The following STK33 variants were observed in gnomAD, a reference collection of about 807,000 sequenced individuals.
STK33 encodes the protein serine/threonine kinase 33.
Under a neutral mutation model 58.0 loss-of-function variants are expected in STK33, and 52 were observed. That is an observed-to-expected ratio of 0.90 (90% CI 0.72 to 1.13). STK33 has a LOEUF of 1.13. Among genes scored for constraint, STK33 ranks in the 50% most tolerant of loss-of-function variants. The pLI, the probability that STK33 is intolerant of heterozygous loss-of-function variation, is 0.00. For missense variants in STK33, 630 were observed against 604.2 expected (o/e 1.04, Z -0.45); for synonymous variants, 215 against 200.1 (o/e 1.07, Z -0.63).
chr11:8,577,753 G>C (rs1046068235), intron 1 of STK33, among the ~76,000 whole-genome samples: 1 of 151,966 alleles, frequency 6.6e-6, no homozygotes, highest in Non-Finnish European at 1.5e-5. Flanking sequence ...CTATCTTACT[G>C]CTCTGCAGTT....
the STK33 span, among the ~76,000 whole-genome samples, chr11:8,386,302 G>A: frequency 6.6e-6 from 1 of 152,198 alleles, no homozygotes; most frequent in African/African-American, 2.4e-5. Flanking sequence ...AAGTTGGTGA[G>A]CAGAAAGTTG....
chr11:8,411,771 T>C (rs1281174234), intron 15 of STK33, among the ~76,000 whole-genome samples: 1 of 152,068 alleles, frequency 6.6e-6, no homozygotes, highest in African/African-American at 2.4e-5. Context: ...TATGGAAAAA[T>C]TTTTCCTGTC....
At chr11:8,366,390 A>G in the STK33 span, among the ~76,000 whole-genome samples, 2 of 152,244 alleles carry the variant, frequency 1.3e-5, no homozygotes, top group Non-Finnish European at 2.9e-5. Flanking sequence ...GACTGTGAAC[A>G]GGGCCAGCCC....
intron 6 of STK33, among the ~76,000 whole-genome samples, chr11:8,467,869 C>T (rs1948373551): frequency 6.6e-6 from 1 of 152,106 alleles, no homozygotes; most frequent in East Asian, 1.9e-4. Flanking sequence ...TGCTTGAACC[C>T]AGGAGGTGAA....
At chr11:8,448,619 T>C (rs998697211) in intron 11 of STK33, among the ~76,000 whole-genome samples, 25 of 152,260 alleles carry the variant, frequency 1.6e-4, no homozygotes, top group African/African-American at 5.5e-4. Context: ...TTACACCTTA[T>C]ATAAAAATTA....
At chr11:8,575,487 G>T (rs1192980904) in intron 1 of STK33, among the ~76,000 whole-genome samples, 2 of 152,174 alleles carry the variant, frequency 1.3e-5, no homozygotes, top group Non-Finnish European at 2.9e-5. Context: ...AATGAAATAA[G>T]TCAGACACAA....
intron 1 of STK33, among the ~76,000 whole-genome samples, chr11:8,563,749 C>CT (rs945667844): frequency 2.0e-5 from 3 of 152,130 alleles, no homozygotes; most frequent in African/African-American, 7.2e-5. Flanking sequence ...AATAATGTCA[C>CT]TAACTTAATA....
chr11:8,497,729 T>C (rs983588574), intron 1 of STK33, among the ~76,000 whole-genome samples: 1 of 152,218 alleles, frequency 6.6e-6, no homozygotes, highest in Non-Finnish European at 1.5e-5. Flanking sequence ...CCCAAAGTAC[T>C]GGGATTACAG....
chr11:8,435,675 A>C lies in STK33; in HGVS notation c.1061-96T>G, dbSNP rs912276604. On this transcript the variant is annotated intron_variant, in intron 13 of 15. Coordinates refer to ENST00000687296, the MANE Select transcript of STK33 (RefSeq NM_001352389.2). Reference sequence around the variant, plus strand: ...TAGGATTAGGTCAGTATAACAGGAAAGAAAGATGCCAAGTGTACAATAAAA... The same window carrying C: ...TAGGATTAGGTCAGTATAACAGGAACGAAAGATGCCAAGTGTACAATAAAA... 5.0e-6 allele frequency: 3 copies of C among 597,180 alleles called. No homozygotes were observed. In the Admixed American group the frequency reaches 1.1e-4, roughly 22 times the overall value. The allele number at this position is 597,180 out of a possible 1,614,324, so 37.0% of individuals were successfully genotyped here.
intron 14 of STK33, among the ~76,000 whole-genome samples, chr11:8,431,836 C>T (rs1233427606): frequency 6.6e-6 from 1 of 152,006 alleles, no homozygotes; most frequent in Non-Finnish European, 1.5e-5. Context: ...ATTTTCTTTC[C>T]TTTTCTGGTC....
intron 14 of STK33, among the ~76,000 whole-genome samples, chr11:8,414,518 G>C (rs927452618): frequency 1.3e-4 from 20 of 152,018 alleles, no homozygotes; most frequent in Admixed American, 1.2e-3. Context: ...AATTACCCTG[G>C]TATATGGATG....
chr11:8,449,961 C>T (rs571038825), intron 11 of STK33, among the ~76,000 whole-genome samples: 1 of 151,998 alleles, frequency 6.6e-6, no homozygotes, highest in Non-Finnish European at 1.5e-5. Flanking sequence ...GGTGGGAGTG[C>T]AAATTAGTTC....
At chr11:8,346,796 C>T in the STK33 span, among the ~76,000 whole-genome samples, 627 of 152,232 alleles carry the variant, frequency 4.1e-3, 3 homozygotes, top group Non-Finnish European at 7.1e-3. Flanking sequence ...CCTTCTTCCA[C>T]GTGGGCAGCA....
rs1007190701 is a variant in STK33 at position 8,557,901 on chromosome 11, A to G, written c.-466+36182T>C. 2.6e-5 allele frequency among the ~76,000 whole-genome samples: 4 copies of G among 152,336 alleles called. No individual in the cohort carries two copies. The South Asian group carries it at 6.2e-4, about 24-fold the overall frequency. ...AGGCTTTCTTCATATAATAATAAAC[A>G]TGGACGATTAGCAATGTAATGAACC... On this transcript the variant is annotated intron_variant, in intron 1 of 15. Coordinates refer to ENST00000687296, the MANE Select transcript of STK33 (RefSeq NM_001352389.2).
chr11:8,398,477 G>A (rs568013992), intron 15 of STK33, among the ~76,000 whole-genome samples: 17 of 152,260 alleles, frequency 1.1e-4, no homozygotes, highest in Non-Finnish European at 2.4e-4. Flanking sequence ...AACATGGAAA[G>A]GAACAAAAGG....
intron 14 of STK33, among the ~76,000 whole-genome samples, chr11:8,424,551 G>A (rs1194578923): frequency 6.6e-6 from 1 of 151,812 alleles, no homozygotes; most frequent in Non-Finnish European, 1.5e-5. Flanking sequence ...CTAGATCCCT[G>A]AGGAATCATC....
At chr11:8,573,142 G>A (rs1044542963) in intron 1 of STK33, among the ~76,000 whole-genome samples, 1 of 151,904 alleles carries the variant, frequency 6.6e-6, no homozygotes, top group Non-Finnish European at 1.5e-5. Flanking sequence ...AAAAGATCCT[G>A]TTAATTATTA....
chr11:8,422,463 G>C (rs1942064455), intron 14 of STK33, among the ~76,000 whole-genome samples: 1 of 152,096 alleles, frequency 6.6e-6, no homozygotes, highest in Non-Finnish European at 1.5e-5. Flanking sequence ...AGTTTAGAAG[G>C]TATAGTCTTA....
intron 15 of STK33, among the ~76,000 whole-genome samples, chr11:8,402,691 A>AT (rs764267151): frequency 1.3e-5 from 2 of 152,198 alleles, no homozygotes; most frequent in Non-Finnish European, 2.9e-5. Context: ...CAGGACACGG[A>AT]TGCTGAATGG....
Sources: allele counts gnomAD v4.1 joint callset (sites outside exome capture counted in the v4.1 genomes callset), GRCh38; gene constraint gnomAD v4.1.1; transcripts MANE v1.5; gene names NCBI Gene and HGNC (gene_info 2026-07-23, HGNC 2026-07-21).